The following TBX15 variants were observed in gnomAD, a reference collection of about 807,000 sequenced individuals.
TBX15 encodes the protein T-box transcription factor TBX15.
Under a neutral mutation model 53.9 loss-of-function variants are expected in TBX15, and 18 were observed. The ratio of observed to expected loss-of-function variants is 0.33; its 90% confidence interval spans 0.23 to 0.49. The LOEUF is 0.49. TBX15 is among the 20% of genes least tolerant of loss of function. The pLI is 0.98. For missense variants in TBX15, 692 were observed against 749.5 expected, an observed-to-expected ratio of 0.92 and a Z score of 0.90; for synonymous variants, 295 against 278.0, an observed-to-expected ratio of 1.06 and a Z score of -0.61.
chr1:118,897,179 T>TG (rs1654459116), intron 7 of TBX15, among the ~76,000 whole-genome samples: 1 of 152,218 alleles, frequency 6.6e-6, no homozygotes, highest in Non-Finnish European at 1.5e-5. Context: ...CCTGTGTCTG[T>TG]GCCTGCCCAA....
Position 118,884,605 on chromosome 1 carries a change from GAAAA to G in TBX15, c.*123_*126del, listed in dbSNP as rs536044359. The G allele has an allele frequency of 2.5e-3, 1,923 of 767,070 alleles. 5 individuals are homozygous for G. Among genetic ancestry groups the G allele is most frequent in the African/African-American group, 0.021 (916 of 43,506 alleles). 47.5% of individuals were successfully genotyped at this position (767,070 alleles called of 1,614,324 possible). On this transcript the variant is annotated 3_prime_UTR_variant, in exon 8 of 8. Transcript: ENST00000369429. ...GTTCTTGGGTATATGTCTTCGGCCAGAAAAAAAAAAAAAAAAAAAACACGGTTCC... is the reference window on the plus strand; with the variant it reads ...GTTCTTGGGTATATGTCTTCGGCCAGAAAAAAAAAAAAAAAACACGGTTCC...
At position 118,899,073 on chromosome 1, in the gene TBX15, G is replaced by T. The variant is rs762139183; in HGVS notation, c.979C>A (p.Arg327Ser). 7 of 1,613,480 alleles carry T rather than the reference G, an allele frequency of 4.3e-6. No homozygotes were observed. In the South Asian group the frequency reaches 6.6e-5, roughly 15 times the overall value. Residue 327 changes from arginine (R) to serine (S), a missense_variant, in exon 7 of 8, where the codon CGC becomes AGC. Transcript: ENST00000369429. ...GTGAAGTCTTCGAAGGTGAGTGTGC[G>T]CACAGGAGGTCTCCAGAATGCATAT... is the stretch of plus-strand genomic sequence containing the variant. Reference protein sequence around the residue: ...ETYAFWRPPVRTLTFEDFTTM... With the variant: ...ETYAFWRPPVSTLTFEDFTTM...
Position 118,960,331 on chromosome 1 carries a change from G to A in TBX15, c.205+27260C>T, listed in dbSNP as rs568276887. ...TCACACCAGGAAGCTCTAGTTTCGA[G>A]AGCCCCATGCATTTTTGCAGCTGAA... On this transcript the variant is annotated intron_variant, in intron 1 of 7. Coordinates refer to ENST00000369429, the MANE Select transcript of TBX15 (RefSeq NM_001330677.2). 3.0e-4 allele frequency among the ~76,000 whole-genome samples: 45 copies of A among 152,304 alleles called. 3 individuals carry two copies. In the South Asian group the frequency reaches 7.0e-3, roughly 24 times the overall value.
chr1:118,976,644 C>G (rs527325330), intron 1 of TBX15, among the ~76,000 whole-genome samples: 9 of 152,330 alleles, frequency 5.9e-5, no homozygotes, highest in African/African-American at 2.2e-4. Flanking sequence ...CTCACCCCCT[C>G]TTCCTACTGT....
intron 7 of TBX15, among the ~76,000 whole-genome samples, chr1:118,888,763 G>A (rs1205430777): frequency 6.6e-6 from 1 of 152,170 alleles, no homozygotes; most frequent in Admixed American, 6.5e-5. Context: ...CCTGTCACAG[G>A]TATGTTCTAT....
At chr1:118,924,480 A>G (rs928221601) in intron 4 of TBX15, among the ~76,000 whole-genome samples, 166 bp downstream of exon 4, 3 of 152,214 alleles carry the variant, frequency 2.0e-5, no homozygotes, top group Non-Finnish European at 4.4e-5. Context: ...TTTGTAATAA[A>G]TGGAATTTAA....
chr1:118,979,891 C>T (rs1429276185), intron 1 of TBX15, among the ~76,000 whole-genome samples: 1 of 152,188 alleles, frequency 6.6e-6, no homozygotes, highest in Non-Finnish European at 1.5e-5. Context: ...AGAACAGGAA[C>T]TCGGGCTGGC....
chr1:118,988,035 C>T lies in TBX15; in HGVS notation c.-240G>A. On this transcript the variant is annotated 5_prime_UTR_variant, in exon 1 of 8. Transcript: ENST00000369429. ...TGCTAGGAACTAGCGCCCCGAGCGC[C>T]GCCCGCTCGCTGCATGAGCGCCCGA... 1 of 586,088 alleles carries T rather than the reference C, an allele frequency of 1.7e-6. No homozygotes were observed. Among genetic ancestry groups the T allele is most frequent in the Non-Finnish European group, 3.0e-6 (1 of 335,866 alleles). The allele number at this position is 586,088 out of a possible 1,614,324, so 36.3% of individuals were successfully genotyped here. A position where few individuals can be genotyped will look rare whatever the true frequency, so the allele number is the denominator to read the frequency against.
chr1:118,937,752 C>G (rs979923419), intron 1 of TBX15, among the ~76,000 whole-genome samples: 7 of 152,200 alleles, frequency 4.6e-5, no homozygotes, highest in Non-Finnish European at 2.9e-5. Context: ...ATCTTACTTT[C>G]TTTTCTGCCA....
At chr1:118,970,067 C>G (rs966569815) in intron 1 of TBX15, among the ~76,000 whole-genome samples, 1 of 152,228 alleles carries the variant, frequency 6.6e-6, no homozygotes, top group Non-Finnish European at 1.5e-5. Context: ...TCTCCTGCTG[C>G]CATGTGAAGA....
At chr1:118,951,503 G>A (rs1276033081) in intron 1 of TBX15, among the ~76,000 whole-genome samples, 1 of 152,214 alleles carries the variant, frequency 6.6e-6, no homozygotes, top group African/African-American at 2.4e-5. Context: ...CAGGAGATAT[G>A]TGGAGACCCA....
At chr1:118,962,378 T>A (rs1255865128) in intron 1 of TBX15, among the ~76,000 whole-genome samples, 1 of 152,138 alleles carries the variant, frequency 6.6e-6, no homozygotes, top group African/African-American at 2.4e-5. Flanking sequence ...ACAATTCAGC[T>A]GATGATAAGG....
At chr1:118,886,543 A>T (rs1653949858) in intron 7 of TBX15, among the ~76,000 whole-genome samples, 1 of 152,230 alleles carries the variant, frequency 6.6e-6, no homozygotes, top group African/African-American at 2.4e-5. Flanking sequence ...GATGAACTAA[A>T]GGAAAGTTTC....
chr1:118,968,872 G>A (rs1017887419), intron 1 of TBX15, among the ~76,000 whole-genome samples: 2 of 152,140 alleles, frequency 1.3e-5, no homozygotes, highest in Non-Finnish European at 2.9e-5. Flanking sequence ...GGGAGATAAA[G>A]ACACCAGGCC....
chr1:118,969,580 C>T (rs1332941739), intron 1 of TBX15, among the ~76,000 whole-genome samples: 1 of 152,140 alleles, frequency 6.6e-6, no homozygotes, highest in Non-Finnish European at 1.5e-5. Context: ...GGGTTGAGTC[C>T]TGGGTCAGAC....
In TBX15 at chr1:118,893,269, AGAAGGAAGGAAGGAAGGAAGGAAG is replaced by A. The variant is rs373917263; in HGVS notation, c.1024+5735_1024+5758del. On this transcript the variant is annotated intron_variant, in intron 7 of 7. Coordinates refer to ENST00000369429, the MANE Select transcript of TBX15 (RefSeq NM_001330677.2). ...AAGAAAGAAAGGAAGAAAGAAAGGA[AGAAGGAAGGAAGGAAGGAAGGAAG>A]GAAGGAAGGAAGGAAGGAAGGAAAG... Among the ~76,000 whole-genome samples the A allele has an allele frequency of 1.3e-4, 8 of 61,138 alleles. No homozygotes were observed. The East Asian group carries it at 1.4e-3, about 11-fold the overall frequency. The allele number at this position is 61,138 out of a possible 152,430, so 40.1% of individuals were successfully genotyped here. A position where few individuals can be genotyped will look rare whatever the true frequency, so the allele number is the denominator to read the frequency against.
At chr1:118,979,512 C>A (rs1348886768) in intron 1 of TBX15, among the ~76,000 whole-genome samples, 1 of 152,186 alleles carries the variant, frequency 6.6e-6, no homozygotes, top group African/African-American at 2.4e-5. Context: ...CAGTTTGATT[C>A]CTCGGAAATT....
intron 1 of TBX15, among the ~76,000 whole-genome samples, chr1:118,975,039 C>G (rs1657377963): frequency 6.6e-6 from 1 of 152,196 alleles, no homozygotes; most frequent in African/African-American, 2.4e-5. Flanking sequence ...GAGATTCCAT[C>G]CATCCCATTG....
intron 5 of TBX15, among the ~76,000 whole-genome samples, chr1:118,921,822 TA>T (rs1655433701): frequency 1.3e-5 from 2 of 152,176 alleles, no homozygotes; most frequent in African/African-American, 4.8e-5. Context: ...ACCGTTTCCT[TA>T]AAAAGAAATA....
Sources: allele counts gnomAD v4.1 joint callset (sites outside exome capture counted in the v4.1 genomes callset), GRCh38; gene constraint gnomAD v4.1.1; transcripts MANE v1.5; gene names NCBI Gene and HGNC (gene_info 2026-07-23, HGNC 2026-07-21).